Variants in TF observed in about 807,000 individuals in gnomAD.
TF encodes the protein serotransferrin.
TF carries 55 observed loss-of-function variants against 82.4 expected under a neutral mutation model. That is an observed-to-expected ratio of 0.67 (90% confidence interval 0.54 to 0.84). The LOEUF is 0.84. TF is among the 40% of genes least tolerant of loss of function. TF has a pLI of 0.00. For missense variants in TF, 737 were observed against 868.4 expected, an observed-to-expected ratio of 0.85 and a Z score of 1.90; for synonymous variants, 332 against 332.6, an observed-to-expected ratio of 1.00 and a Z score of 0.02.
At position 133,775,527 on chromosome 3, in the gene TF, G is replaced by A. The variant is rs778400078; in HGVS notation, c.1782G>A (p.Ala594=). 8.1e-6 allele frequency: 13 copies of A among 1,614,032 alleles called. 1 individual carries two copies. Among genetic ancestry groups the A allele is most frequent in the South Asian group, 5.5e-5 (5 of 91,082 alleles). ...DGTRKPVEEY[A]NCHLARAPNH... ...CCAGGAAACCTGTGGAGGAGTATGCGAACTGCCACCTGGCCAGAGCCCCGA... is the reference window on the plus strand; with the variant it reads ...CCAGGAAACCTGTGGAGGAGTATGCAAACTGCCACCTGGCCAGAGCCCCGA... The change falls in exon 15 of 17, where the codon GCG becomes GCA. Residue 594 remains alanine (A), a synonymous_variant. Transcript: ENST00000402696.
At chr3:133,678,110 A>G in the TF span, among the ~76,000 whole-genome samples, 1 of 151,934 alleles carries the variant, frequency 6.6e-6, no homozygotes, top group Non-Finnish European at 1.5e-5. Context: ...AACATGTGGT[A>G]TTTGGTTTTC....
At chr3:133,694,717 C>T in the TF span, among the ~76,000 whole-genome samples, 11 of 152,322 alleles carry the variant, frequency 7.2e-5, no homozygotes, top group Non-Finnish European at 1.2e-4. Context: ...GCTTCTTGTG[C>T]GTACCTCGCC....
At chr3:133,723,990 A>C in the TF span, among the ~76,000 whole-genome samples, 1,497 of 152,166 alleles carry the variant, frequency 9.8e-3, 23 homozygotes, top group African/African-American at 0.035. Context: ...TGAACTCATC[A>C]TTTTTTATGG....
At chr3:133,684,717 C>T in the TF span, among the ~76,000 whole-genome samples, 1 of 152,072 alleles carries the variant, frequency 6.6e-6, no homozygotes, top group Admixed American at 6.6e-5. Context: ...AATTAATAGC[C>T]TACCAACCAA....
chr3:133,726,963 C>T, the TF span, among the ~76,000 whole-genome samples: 19 of 152,040 alleles, frequency 1.2e-4, no homozygotes, highest in African/African-American at 2.4e-4. Context: ...TGTAGTTGAG[C>T]GGTTTTGAGT....
chr3:133,664,957 A>C, the TF span: 1 of 152,092 alleles, frequency 6.6e-6, no homozygotes, highest in Non-Finnish European at 1.5e-5. Flanking sequence ...TTACTGAAAA[A>C]AAAATGGAAT....
At chr3:133,756,648 G>A (rs1002053895) in intron 6 of TF, among the ~76,000 whole-genome samples, 183 bp from the exon 7 acceptor site, 1 of 152,160 alleles carries the variant, frequency 6.6e-6, no homozygotes, top group African/African-American at 2.4e-5. Flanking sequence ...TGCTACATGG[G>A]CATCAGAAGC....
At chr3:133,774,865 T>C in intron 14 of TF, 1 of 300,156 alleles carries the variant, frequency 3.3e-6, no homozygotes, top group South Asian at 3.3e-5. Flanking sequence ...GGGTGAGTTT[T>C]TTTTTTTTTT....
At chr3:133,696,034 A>C in the TF span, among the ~76,000 whole-genome samples, 4 of 152,370 alleles carry the variant, frequency 2.6e-5, no homozygotes, top group African/African-American at 9.6e-5. Flanking sequence ...TTTATGTAGC[A>C]GTGCCTTCAC....
the TF span, among the ~76,000 whole-genome samples, chr3:133,662,816 A>G: frequency 3.3e-5 from 5 of 152,298 alleles, no homozygotes; most frequent in African/African-American, 1.2e-4. Context: ...CACTGCTGAG[A>G]TTGAGAAAAT....
In TF at chr3:133,792,786, G is replaced by A. The variant is rs1048702412; in HGVS notation, c.*14166G>A. On this transcript the variant is annotated 3_prime_UTR_variant, in exon 17 of 17. Coordinates refer to ENST00000402696, the MANE Select transcript of TF (RefSeq NM_001063.4). ...AGGATAAAGCTAAAAGTTTGAATGA[G>A]TTGTGGAAGATTTATAAAAATTAAT... 1.3e-5 allele frequency: 2 copies of A among 152,122 alleles called. No individual in the cohort carries two copies. Among genetic ancestry groups the A allele is most frequent in the African/African-American group, 4.8e-5 (2 of 41,438 alleles). 9.4% of individuals were successfully genotyped at this position (152,122 alleles called of 1,614,324 possible).
the TF span, among the ~76,000 whole-genome samples, chr3:133,680,679 A>T: frequency 6.6e-6 from 1 of 152,126 alleles, no homozygotes; most frequent in Non-Finnish European, 1.5e-5. Context: ...GCTACTACTG[A>T]AGATGTTTTC....
upstream of TF, among the ~76,000 whole-genome samples, chr3:133,741,172 A>C (rs1209509990): frequency 6.6e-6 from 1 of 151,556 alleles, no homozygotes; most frequent in Non-Finnish European, 1.5e-5. Context: ...CTGTATTTTT[A>C]GTAGAGAAGG....
At chr3:133,746,375 C>A, upstream of TF, 1 of 1,537,126 alleles carries the variant, frequency 6.5e-7, no homozygotes, top group Non-Finnish European at 8.8e-7. Context: ...TAAAGGGACG[C>A]GGGGCGCCGG....
chr3:133,670,858 C>A, the TF span, among the ~76,000 whole-genome samples: 1 of 152,150 alleles, frequency 6.6e-6, no homozygotes, highest in Non-Finnish European at 1.5e-5. Context: ...CGGCACATGG[C>A]CAGGGGGAAT....
chr3:133,774,926 C>A (rs1934348703), intron 14 of TF: 1 of 378,540 alleles, frequency 2.6e-6, no homozygotes, highest in African/African-American at 2.1e-5. Context: ...GGGATACAGA[C>A]CTGTATCACA....
chr3:133,768,446 T>C (rs1934182224), intron 13 of TF, among the ~76,000 whole-genome samples: 1 of 152,358 alleles, frequency 6.6e-6, no homozygotes, highest in Middle Eastern at 3.4e-3. Context: ...TGTTTGCATA[T>C]ATTTTTTATT....
At chr3:133,763,166 T>C (rs1934038342) in intron 9 of TF, among the ~76,000 whole-genome samples, 1 of 152,168 alleles carries the variant, frequency 6.6e-6, no homozygotes, top group African/African-American at 2.4e-5. Flanking sequence ...ATTCAGTTTA[T>C]GTTTAAAGTT....
At chr3:133,713,491 T>C in the TF span, among the ~76,000 whole-genome samples, 1 of 152,178 alleles carries the variant, frequency 6.6e-6, no homozygotes, top group African/African-American at 2.4e-5. Context: ...AAAGGAGTGA[T>C]GTCTAGGAAT....
Sources: allele counts gnomAD v4.1 joint callset (sites outside exome capture counted in the v4.1 genomes callset), GRCh38; gene constraint gnomAD v4.1.1; transcripts MANE v1.5; gene names NCBI Gene and HGNC (gene_info 2026-07-23, HGNC 2026-07-21).